Variants in SCG5 observed in about 807,000 individuals in gnomAD.
SCG5 encodes the protein neuroendocrine protein 7B2.
A neutral mutation model predicts 25.7 loss-of-function variants in SCG5; 18 were observed. The observed-to-expected ratio is 0.70, with a 90% CI of 0.48 to 1.04. SCG5 has a LOEUF of 1.04. Among genes scored for constraint, SCG5 ranks in the 50% least tolerant of loss-of-function variants. The pLI, the probability that SCG5 is intolerant of heterozygous loss-of-function variation, is 0.00. For synonymous variants in SCG5, 101 were observed against 91.7 expected, an observed-to-expected ratio of 1.10 and a Z score of -0.58; for missense variants, 206 against 259.8, an observed-to-expected ratio of 0.79 and a Z score of 1.42.
intron 2 of SCG5, among the ~76,000 whole-genome samples, chr15:32,653,091 T>C (rs2054059259): frequency 6.6e-6 from 1 of 152,210 alleles, no homozygotes; most frequent in Admixed American, 6.5e-5. Flanking sequence ...CACAGCCTTA[T>C]TGCATGCACA....
chr15:32,685,171 T>C (rs928250531), intron 4 of SCG5, among the ~76,000 whole-genome samples: 4 of 152,342 alleles, frequency 2.6e-5, no homozygotes, highest in East Asian at 3.9e-4. Flanking sequence ...AGCAGTGAGA[T>C]TGCTGTCAGT....
At chr15:32,649,700 G>A (rs1444079174) in intron 2 of SCG5, among the ~76,000 whole-genome samples, 2 of 151,748 alleles carry the variant, frequency 1.3e-5, no homozygotes, top group Non-Finnish European at 2.9e-5. Context: ...AAAACAGCTT[G>A]GTAAGGAGCA....
chr15:32,643,414 G>A (rs1405046749), intron 1 of SCG5, among the ~76,000 whole-genome samples, 172 bp from the exon 2 acceptor site: 1 of 152,110 alleles, frequency 6.6e-6, no homozygotes, highest in Non-Finnish European at 1.5e-5. Flanking sequence ...CTGCAATGAT[G>A]CTCTGCCTAG....
intron 4 of SCG5, 79 bp downstream of exon 4, chr15:32,684,748 G>A: frequency 2.4e-6 from 2 of 843,656 alleles, no homozygotes; most frequent in Non-Finnish European, 3.8e-6. Context: ...AGCAATATGG[G>A]CAGAAGGAGA....
chr15:32,676,584 AC>A (rs2054534791), intron 2 of SCG5, among the ~76,000 whole-genome samples: 1 of 152,128 alleles, frequency 6.6e-6, no homozygotes, highest in African/African-American at 2.4e-5. Flanking sequence ...GATATGTCTA[AC>A]CTTTGCATCT....
At chr15:32,687,154 C>T (rs938113498) in intron 4 of SCG5, among the ~76,000 whole-genome samples, 2 of 152,190 alleles carry the variant, frequency 1.3e-5, no homozygotes. Context: ...ATGAAAACAT[C>T]TCTTTTCAGC....
At position 32,679,557 on chromosome 15, in the gene SCG5, G is replaced by A. The variant is rs3817592; in HGVS notation, c.227-209G>A. On this transcript the variant is annotated intron_variant, in intron 2 of 5. Transcript: ENST00000300175. ...CATTTCTTTTACAGGATAATATACA[G>A]TTTGCCTTGTATGGAAATAATATGT... Among the ~76,000 whole-genome samples the A allele has an allele frequency of 0.58, 88,799 of 151,990 alleles. 26,970 individuals are homozygous for A. The highest frequency in any genetic ancestry group is 0.68 in the Non-Finnish European group (46,402 of 67,974).
Position 32,648,783 on chromosome 15 carries a change from T to TAAA in SCG5, c.226+4973_226+4975dup, listed in dbSNP as rs1212922715. Reference sequence around the variant, plus strand: ...CTGTTGCAGTCTCCTTTTTTTTTTTTAAAAAAAAAACAGAGTCTCACTCTG... The same window carrying TAAA: ...CTGTTGCAGTCTCCTTTTTTTTTTTTAAAAAAAAAAAAACAGAGTCTCACTCTG... On this transcript the variant is annotated intron_variant, in intron 2 of 5. Coordinates refer to ENST00000300175, the MANE Select transcript of SCG5 (RefSeq NM_001144757.3). Among the ~76,000 whole-genome samples the TAAA allele has an allele frequency of 4.0e-3, 530 of 131,320 alleles. 2 individuals carry two copies. The highest frequency in any genetic ancestry group is 0.016 in the Middle Eastern group (4 of 250). The allele number at this position is 131,320 out of a possible 152,430, so 86.2% of individuals were successfully genotyped here.
chr15:32,663,082 AT>A (rs2054263003), intron 2 of SCG5, among the ~76,000 whole-genome samples: 2 of 131,724 alleles, frequency 1.5e-5, no homozygotes, highest in African/African-American at 2.7e-5. Context: ...TATATATAAT[AT>A]ATAATATGTT....
chr15:32,647,755 A>C (rs771729498), intron 2 of SCG5, among the ~76,000 whole-genome samples: 1 of 152,236 alleles, frequency 6.6e-6, no homozygotes, highest in Non-Finnish European at 1.5e-5. Flanking sequence ...CGTGAACAGC[A>C]AAGTAGCAGG....
At chr15:32,691,639 T>C (rs1005989992) in intron 4 of SCG5, 71 bp from the exon 5 acceptor site, 4 of 1,245,506 alleles carry the variant, frequency 3.2e-6, no homozygotes, top group Non-Finnish European at 4.5e-6. Context: ...CAAGTATTGC[T>C]TTTAAAATAG....
intron 2 of SCG5, among the ~76,000 whole-genome samples, chr15:32,661,441 A>G (rs1021828436): frequency 2.0e-5 from 3 of 152,158 alleles, no homozygotes; most frequent in Non-Finnish European, 1.5e-5. Flanking sequence ...ACCAACAGGG[A>G]GAAACCCTGT....
At chr15:32,642,853 T>C (rs913913754) in intron 1 of SCG5, among the ~76,000 whole-genome samples, 13 of 152,162 alleles carry the variant, frequency 8.5e-5, no homozygotes, top group African/African-American at 2.7e-4. Flanking sequence ...TGCCTGGCAT[T>C]GTCCTAAACA....
In SCG5 at chr15:32,670,311, C is replaced by T. The variant is rs73371046; in HGVS notation, c.227-9455C>T. Among the ~76,000 whole-genome samples the T allele has an allele frequency of 9.4e-3, 1,426 of 152,362 alleles. 29 individuals are homozygous for T. Among genetic ancestry groups the T allele is most frequent in the African/African-American group, 0.033 (1,352 of 41,588 alleles). Reference sequence around the variant, plus strand: ...GCCCTTGCCGGCTATGTGGGGCAGTCCCTGTGAGGGACCAGGCTCGAATTC... The same window carrying T: ...GCCCTTGCCGGCTATGTGGGGCAGTTCCTGTGAGGGACCAGGCTCGAATTC... On this transcript the variant is annotated intron_variant, in intron 2 of 5. Coordinates refer to ENST00000300175, the MANE Select transcript of SCG5 (RefSeq NM_001144757.3).
intron 3 of SCG5, among the ~76,000 whole-genome samples, chr15:32,680,362 AT>A (rs960474289): frequency 6.7e-6 from 1 of 150,260 alleles, no homozygotes; most frequent in African/African-American, 2.4e-5. Context: ...CTCCTGGCTA[AT>A]TTTTTTTTGT....
intron 2 of SCG5, among the ~76,000 whole-genome samples, chr15:32,672,497 A>G (rs1261057643): frequency 6.6e-6 from 1 of 152,240 alleles, no homozygotes; most frequent in East Asian, 1.9e-4. Context: ...CGAGGCCCAC[A>G]GGTGGCGTCC....
chr15:32,657,209 A>ATGTATG lies in SCG5; in HGVS notation c.226+13392_226+13393insGTATGT, dbSNP rs10643931. ...TTCTTTCATCCTCCTGTATATATATATATGTATGTATTTCCAGGTGTAAGT... is the reference window on the plus strand; with the variant it reads ...TTCTTTCATCCTCCTGTATATATATATGTATGTATGTATGTATTTCCAGGTGTAAGT... On this transcript the variant is annotated intron_variant, in intron 2 of 5. Coordinates refer to ENST00000300175, the MANE Select transcript of SCG5 (RefSeq NM_001144757.3). Among the ~76,000 whole-genome samples, 34 of 38,754 alleles carry ATGTATG rather than the reference A, an allele frequency of 8.8e-4. 13 individuals carry two copies. The East Asian group carries it at 0.02, about 23-fold the overall frequency. 25.4% of individuals were successfully genotyped at this position (38,754 alleles called of 152,430 possible).
intron 4 of SCG5, among the ~76,000 whole-genome samples, chr15:32,689,877 T>C (rs1431998087): frequency 1.3e-5 from 2 of 150,866 alleles, no homozygotes; most frequent in African/African-American, 4.9e-5. Flanking sequence ...AGTCTCGCTC[T>C]GTCCCCCAGG....
chr15:32,673,527 C>CGTGTGTGTGTGTGTGTGTGTGTGT (rs55968956), intron 2 of SCG5, among the ~76,000 whole-genome samples: 6 of 134,944 alleles, frequency 4.4e-5, no homozygotes, highest in African/African-American at 1.8e-4. Flanking sequence ...ATAAGATCCC[C>CGTGTGTGTGTGTGTGTGTGTGTGT]GTGTGTGTGT....
Sources: gnomAD v4.1 joint callset for allele counts (sites outside exome capture counted in the v4.1 genomes callset) on GRCh38, gnomAD v4.1.1 for gene constraint, MANE v1.5 for transcripts, NCBI Gene and HGNC (gene_info 2026-07-23, HGNC 2026-07-21) for gene names.